Variants in PCDHGB3 observed in about 807,000 individuals in gnomAD.
PCDHGB3 encodes the protein protocadherin gamma subfamily B, 3, also known as protocadherin gamma-B3.
In PCDHGB3, 40 loss-of-function variants were observed where a neutral mutation model predicts 59.2. That is an observed-to-expected ratio of 0.68 (90% CI 0.52 to 0.88). PCDHGB3 has a LOEUF of 0.88. Ranked by LOEUF, PCDHGB3 falls within the 40% of genes least tolerant of loss-of-function variation. PCDHGB3 has a pLI of 0.00. For missense variants in PCDHGB3, 1,309 were observed against 1,187.9 expected (o/e 1.10, Z -1.50); for synonymous variants, 581 against 503.6 (o/e 1.15, Z -2.06).
In PCDHGB3 at chr5:141,430,592, C is replaced by G; in HGVS notation, c.2415+57783C>G. The G allele has an allele frequency of 9.2e-6, 5 of 544,570 alleles. No individual in the cohort carries two copies. In the South Asian group the frequency reaches 3.1e-4, roughly 34 times the overall value. The allele number at this position is 544,570 out of a possible 1,614,324, so 33.7% of individuals were successfully genotyped here. ...AAGCGGAGATCCTGCTCGCCTTGCACGCGCCTGAAGCACAAAGCAGATAGC... is the reference window on the plus strand; with the variant it reads ...AAGCGGAGATCCTGCTCGCCTTGCAGGCGCCTGAAGCACAAAGCAGATAGC... On this transcript the variant is annotated intron_variant, in intron 1 of 3. Coordinates refer to ENST00000576222, the MANE Select transcript of PCDHGB3 (RefSeq NM_018924.5).
At chr5:141,463,335 A>G (rs565781645) in intron 1 of PCDHGB3, among the ~76,000 whole-genome samples, 3 of 149,628 alleles carry the variant, frequency 2.0e-5, no homozygotes, top group South Asian at 2.1e-4. Context: ...CAGCAAAACC[A>G]TGGTGTTATT....
intron 2 of PCDHGB3, among the ~76,000 whole-genome samples, chr5:141,504,288 G>GT (rs1175142876): frequency 6.6e-6 from 1 of 152,124 alleles, no homozygotes; most frequent in African/African-American, 2.4e-5. Context: ...ATCATTTCAT[G>GT]TTTTTTCAAC....
intron 1 of PCDHGB3, chr5:141,423,883 A>T (rs1211746978): frequency 1.6e-6 from 2 of 1,283,342 alleles, no homozygotes; most frequent in Admixed American, 7.5e-5. Context: ...CAATCTTGGC[A>T]TATTTTCTTT....
chr5:141,382,427 G>T (rs1422765851), intron 1 of PCDHGB3, among the ~76,000 whole-genome samples: 1 of 152,138 alleles, frequency 6.6e-6, no homozygotes, highest in African/African-American at 2.4e-5. Context: ...GTGCCCAAAA[G>T]AGTCACTTGA....
At chr5:141,441,890 T>C (rs967557692) in intron 1 of PCDHGB3, 18 of 348,170 alleles carry the variant, frequency 5.2e-5, no homozygotes, top group Non-Finnish European at 7.2e-5. Flanking sequence ...GTCACCAAGG[T>C]GGTGGCTGTA....
At chr5:141,405,473 G>A in intron 1 of PCDHGB3, 3 of 1,066,958 alleles carry the variant, frequency 2.8e-6, no homozygotes, top group Non-Finnish European at 4.0e-6. Flanking sequence ...AGGCTGGAAT[G>A]CAGTGGTGTG....
At chr5:141,393,769 T>C in intron 1 of PCDHGB3, 2 of 1,613,912 alleles carry the variant, frequency 1.2e-6, no homozygotes, top group Non-Finnish European at 1.7e-6. Flanking sequence ...GAAATGGAAA[T>C]ACAAGCCGAA....
At chr5:141,418,882 C>T (rs945382775) in intron 1 of PCDHGB3, 8 of 1,613,960 alleles carry the variant, frequency 5.0e-6, no homozygotes, top group Admixed American at 1.7e-5. Flanking sequence ...TAGACGAAAA[C>T]GACAACAGCC....
chr5:141,379,889 C>CTTTTT lies in PCDHGB3; in HGVS notation c.2415+7106_2415+7110dup, dbSNP rs70988800. 5.8e-3 allele frequency among the ~76,000 whole-genome samples: 293 copies of CTTTTT among 50,830 alleles called. 35 individuals carry two copies. The highest frequency in any genetic ancestry group is 6.4e-3 in the African/African-American group (97 of 15,076). The allele number at this position is 50,830 out of a possible 152,430, so 33.3% of individuals were successfully genotyped here. A position where few individuals can be genotyped will look rare whatever the true frequency, so the allele number is the denominator to read the frequency against. On this transcript the variant is annotated intron_variant, in intron 1 of 3. Coordinates refer to ENST00000576222, the MANE Select transcript of PCDHGB3 (RefSeq NM_018924.5). ...CTTATTTTATGGTCTGTGAAAGCCTCTTTTTTTTTTTTTTTTTTTTTTTTT... is the reference window on the plus strand; with the variant it reads ...CTTATTTTATGGTCTGTGAAAGCCTCTTTTTTTTTTTTTTTTTTTTTTTTTTTTTT...
Position 141,478,516 on chromosome 5 carries a change from G to A in PCDHGB3, c.2416-16291G>A, listed in dbSNP as rs769702987. The A allele has an allele frequency of 4.3e-6, 7 of 1,610,992 alleles. No homozygotes were observed. In the African/African-American group the frequency reaches 8.0e-5, roughly 18 times the overall value. ...GTGATCCGGTGTTCTATAGGCAGGT[G>A]TTGGGTGCAGAGAGCGCCCCTCCCG... On this transcript the variant is annotated intron_variant, in intron 1 of 3. Transcript: ENST00000576222.
chr5:141,372,198 G>C lies in PCDHGB3; in HGVS notation c.1804G>C (p.Ala602Pro), dbSNP rs776842752. The C allele has an allele frequency of 8.1e-6, 13 of 1,613,456 alleles. No individual in the cohort carries two copies. In the African/African-American group the frequency reaches 1.5e-4, roughly 18 times the overall value. Residue 602 changes from alanine to proline, a missense_variant, in exon 1 of 4, where the codon GCC becomes CCC. By Grantham distance (27) the Ala-to-Pro change is conservative. Coordinates refer to ENST00000576222, the MANE Select transcript of PCDHGB3 (RefSeq NM_018924.5). ...VAVDADSGYNAWLSYHIVQAS... is the reference protein window; with the variant it reads ...VAVDADSGYNPWLSYHIVQAS... ...GGTGGACGCAGACTCGGGATACAACGCCTGGCTGTCCTACCACATTGTGCA... is the reference window on the plus strand; with the variant it reads ...GGTGGACGCAGACTCGGGATACAACCCCTGGCTGTCCTACCACATTGTGCA...
chr5:141,463,097 C>A (rs1333118215), intron 1 of PCDHGB3, among the ~76,000 whole-genome samples: 2 of 152,152 alleles, frequency 1.3e-5, no homozygotes, highest in East Asian at 3.8e-4. Context: ...CCCTATGTGA[C>A]CATCAAGAAT....
intron 1 of PCDHGB3, among the ~76,000 whole-genome samples, chr5:141,457,873 G>C (rs967389295): frequency 2.0e-5 from 3 of 152,200 alleles, no homozygotes; most frequent in Non-Finnish European, 4.4e-5. Context: ...CCACAGGTTA[G>C]GAACCCTGTG....
intron 1 of PCDHGB3, among the ~76,000 whole-genome samples, chr5:141,494,512 C>T (rs2154591503): frequency 6.6e-6 from 1 of 152,276 alleles, no homozygotes; most frequent in Middle Eastern, 3.4e-3. Context: ...AATTTTGGCT[C>T]AGGAGTTCTG....
chr5:141,494,173 G>C (rs554811420), intron 1 of PCDHGB3, among the ~76,000 whole-genome samples: 2 of 152,304 alleles, frequency 1.3e-5, no homozygotes, highest in South Asian at 2.1e-4. Flanking sequence ...CTAGGGGTGA[G>C]AAGTGTCCCG....
At position 141,487,219 on chromosome 5, in the gene PCDHGB3, A is replaced by G. The variant is rs750819958; in HGVS notation, c.2416-7588A>G. ...CAGATCTTCGAGAATCTTCAGCTCC[A>G]AGGGAAGGAGAATCTCGTCTAACCC... On this transcript the variant is annotated intron_variant, in intron 1 of 3. Transcript: ENST00000576222. This position sits in a 1 kb window ranked among gnomAD's most constrained non-coding sequence, Gnocchi z 5.0. The G allele has an allele frequency of 1.2e-6, 2 of 1,613,952 alleles. No individual in the cohort carries two copies. The highest frequency in any genetic ancestry group is 3.3e-5 in the Admixed American group (2 of 60,020).
intron 1 of PCDHGB3, among the ~76,000 whole-genome samples, chr5:141,464,723 T>A (rs1166321691): frequency 6.6e-6 from 1 of 152,156 alleles, no homozygotes; most frequent in Non-Finnish European, 1.5e-5. Flanking sequence ...TTTCATATGT[T>A]TAAAAGCCAG....
chr5:141,413,967 G>C, intron 1 of PCDHGB3: 15 of 1,613,428 alleles, frequency 9.3e-6, no homozygotes, highest in Non-Finnish European at 1.2e-5. Context: ...TGGGCACTCA[G>C]CTGCTGACAG....
chr5:141,371,693 C>T lies in PCDHGB3; in HGVS notation c.1299C>T (p.Ser433=). 6.2e-7 allele frequency: 1 copy of T among 1,614,066 alleles called. No individual in the cohort carries two copies. The highest frequency in any genetic ancestry group is 8.5e-7 in the Non-Finnish European group (1 of 1,179,914). The stretch of plus-strand genomic sequence containing the variant: ...CCGACAAAGGCAATCCACCGCTCTC[C>T]TCCAGCAAGACCATCACTCTGCACA... ...TATDKGNPPL[S]SSKTITLHIL... Residue 433 remains serine (S), a synonymous_variant, in exon 1 of 4, where the codon TCC becomes TCT. Transcript: ENST00000576222.
Sources: allele counts gnomAD v4.1 joint callset (sites outside exome capture counted in the v4.1 genomes callset), GRCh38; gene constraint gnomAD v4.1.1; non-coding constraint Gnocchi (gnomAD v3.1); transcripts MANE v1.5; gene names NCBI Gene and HGNC (gene_info 2026-07-23, HGNC 2026-07-21).